SYNE2: variants seen among roughly 807,000 people sequenced by gnomAD.
SYNE2 encodes the protein spectrin repeat containing nuclear envelope protein 2, also known as nesprin-2.
A neutral mutation model predicts 856.3 loss-of-function variants in SYNE2; 431 were observed. The ratio of observed to expected loss-of-function variants is 0.50; its 90% CI spans 0.47 to 0.55. The LOEUF (loss-of-function observed/expected upper bound fraction) is 0.55, where lower values mean the gene tolerates loss of function less well. Among genes scored for constraint, SYNE2 ranks in the 20% least tolerant of loss-of-function variants. SYNE2 has a pLI of 0.00. For synonymous variants in SYNE2, 2,923 were observed against 2,872.3 expected (o/e 1.02, Z -0.56); for missense variants, 8,129 against 8,023.2 (o/e 1.01, Z -0.50).
chr14:64,150,321 A>AAAGGG (rs766798501), intron 84 of SYNE2, among the ~76,000 whole-genome samples: 2 of 119,418 alleles, frequency 1.7e-5, no homozygotes, highest in African/African-American at 6.4e-5. Flanking sequence ...AAAAAAAAAA[A>AAAGGG]GGATCCTCCC....
intron 85 of SYNE2, among the ~76,000 whole-genome samples, chr14:64,153,472 C>T (rs1170368937): frequency 6.6e-6 from 1 of 152,124 alleles, no homozygotes; most frequent in African/African-American, 2.4e-5. Context: ...TGGGTTGTCA[C>T]CTACTAAAAT....
intron 64 of SYNE2, among the ~76,000 whole-genome samples, chr14:64,103,818 C>T (rs1252369242): frequency 6.6e-6 from 1 of 152,128 alleles, no homozygotes; most frequent in Non-Finnish European, 1.5e-5. Flanking sequence ...CCTGGGATGC[C>T]CTTTCTCCAT....
Position 64,162,237 on chromosome 14 carries a change from C to A in SYNE2, c.16260C>A (p.Asn5420Lys), listed in dbSNP as rs760972212. 5.6e-6 allele frequency: 9 copies of A among 1,614,094 alleles called. No homozygotes were observed. The East Asian group carries it at 1.8e-4, about 32-fold the overall frequency. The stretch of plus-strand genomic sequence containing the variant: ...CAAACATCAGCATGTCTGGAAACAA[C>A]CTGGCAGAGATCCTGCCCCCAGCCC... ...QLANISMSGN[N>K]LAEILPPALQ... The change falls in exon 88 of 116, where the codon AAC (asparagine) becomes AAA (lysine). Residue 5420 changes from asparagine to lysine, a missense_variant. Coordinates refer to ENST00000555002, the MANE Select transcript of SYNE2 (RefSeq NM_182914.3).
intron 87 of SYNE2, among the ~76,000 whole-genome samples, chr14:64,160,000 T>C (rs1335160517): frequency 6.6e-6 from 1 of 152,200 alleles, no homozygotes; most frequent in Non-Finnish European, 1.5e-5. Context: ...CTCCAACCAA[T>C]TGATTAGAGA....
At chr14:63,954,218 T>G (rs2096210334) in intron 7 of SYNE2, among the ~76,000 whole-genome samples, 1 of 152,214 alleles carries the variant, frequency 6.6e-6, no homozygotes, top group African/African-American at 2.4e-5. Flanking sequence ...TGGCCATTAA[T>G]TACACACAAT....
intron 1 of SYNE2, among the ~76,000 whole-genome samples, chr14:63,814,281 AAAAC>A (rs574858343): frequency 0.021 from 3,235 of 151,308 alleles, 42 homozygotes; most frequent in Middle Eastern, 0.038. Context: ...AAAAAAAACA[AAAAC>A]AAACAAACAA....
chr14:63,953,638 A>G (rs1450789291), intron 7 of SYNE2, among the ~76,000 whole-genome samples: 1 of 152,208 alleles, frequency 6.6e-6, no homozygotes, highest in Non-Finnish European at 1.5e-5. Flanking sequence ...TTAAGTGTAC[A>G]GTTCAGTGGC....
chr14:64,208,634 G>T, intron 100 of SYNE2, 124 bp from the exon 101 acceptor site: 1 of 1,011,490 alleles, frequency 9.9e-7, no homozygotes, highest in Non-Finnish European at 1.5e-6. Flanking sequence ...GTTCATGGTG[G>T]AAATCCACCC....
At chr14:63,840,620 C>T (rs1254357570) in intron 1 of SYNE2, among the ~76,000 whole-genome samples, 1 of 151,760 alleles carries the variant, frequency 6.6e-6, no homozygotes, top group African/African-American at 2.4e-5. Flanking sequence ...GGATTACAGG[C>T]AGGAACTCCA....
chr14:64,214,123 A>ATGCTCTTCTAATTGCAGAAG, intron 105 of SYNE2, 71 bp from the exon 106 acceptor site: 1 of 1,611,830 alleles, frequency 6.2e-7, no homozygotes, highest in Non-Finnish European at 8.5e-7. Flanking sequence ...AGATAGGCAG[A>ATGCTCTTCTAATTGCAGAAG]CTTCTCATGC....
chr14:64,072,916 C>G (rs1323207920), intron 52 of SYNE2, among the ~76,000 whole-genome samples: 1 of 152,106 alleles, frequency 6.6e-6, no homozygotes, highest in Non-Finnish European at 1.5e-5. Flanking sequence ...CTCATGTTTA[C>G]CAGTTTATTA....
chr14:63,846,646 A>G (rs1006983310), intron 1 of SYNE2, among the ~76,000 whole-genome samples: 1 of 151,042 alleles, frequency 6.6e-6, no homozygotes, highest in Admixed American at 6.6e-5. Flanking sequence ...CCCAAGCTGG[A>G]GTGTAGCGGC....
At chr14:63,830,378 G>A (rs771870040) in intron 1 of SYNE2, among the ~76,000 whole-genome samples, 14 of 151,910 alleles carry the variant, frequency 9.2e-5, no homozygotes, top group Middle Eastern at 3.4e-3. Flanking sequence ...AATTAAAAAT[G>A]GGCCAGACAT....
intron 8 of SYNE2, among the ~76,000 whole-genome samples, chr14:63,955,707 A>G (rs886615186): frequency 1.6e-4 from 25 of 152,300 alleles, no homozygotes; most frequent in African/African-American, 5.5e-4. Context: ...CATTTACACT[A>G]TTATAGATTT....
intron 1 of SYNE2, among the ~76,000 whole-genome samples, chr14:63,865,528 T>A (rs1894959309): frequency 6.6e-6 from 1 of 152,040 alleles, no homozygotes; most frequent in Admixed American, 6.6e-5. Flanking sequence ...AGCTGGAGGC[T>A]ACTCCCAAGT....
intron 45 of SYNE2, among the ~76,000 whole-genome samples, chr14:64,038,394 A>ACGATGGG (rs1384874998): frequency 2.4e-4 from 36 of 152,180 alleles, no homozygotes; most frequent in Admixed American, 7.9e-4. Flanking sequence ...CACCTCCCAG[A>ACGATGGG]CGATGGGCGG....
At chr14:63,803,041 A>G (rs377078194) in intron 1 of SYNE2, among the ~76,000 whole-genome samples, 30 of 152,310 alleles carry the variant, frequency 2.0e-4, no homozygotes, top group African/African-American at 6.7e-4. Flanking sequence ...TGGCTCAGGC[A>G]GCCTGCTTTT....
In SYNE2 at chr14:64,049,755, C is replaced by T. The variant is rs1434034677; in HGVS notation, c.7522C>T (p.Leu2508Phe). The change falls in exon 47 of 116, where the codon CTT becomes TTT. Residue 2508 changes from leucine to phenylalanine, a missense_variant. Leu to Phe is a conservative substitution (Grantham distance 22). This residue lies in a region of SYNE2 where 5,410 missense variants were observed against 5,284.8 expected (regional missense o/e 1.02). Transcript: ENST00000555002. ...AQHLDNLLQALITLKKNKESQ... is the reference protein window; with the variant it reads ...AQHLDNLLQAFITLKKNKESQ... The stretch of plus-strand genomic sequence containing the variant: ...GCATTTGGACAATTTGCTTCAGGCA[C>T]TTATTACTTTGAAGAAAAACAAAGA... 2 of 1,614,106 alleles carry T rather than the reference C, an allele frequency of 1.2e-6. No individual in the cohort carries two copies. Among genetic ancestry groups the T allele is most frequent in the Non-Finnish European group, 1.7e-6 (2 of 1,180,012 alleles).
intron 85 of SYNE2, among the ~76,000 whole-genome samples, chr14:64,155,998 A>G (rs924140518): frequency 1.3e-5 from 2 of 152,210 alleles, no homozygotes; most frequent in Non-Finnish European, 2.9e-5. Context: ...TTTCTGGTCT[A>G]TAAAATGGGG....
Sources: allele counts gnomAD v4.1 joint callset (sites outside exome capture counted in the v4.1 genomes callset), GRCh38; gene constraint gnomAD v4.1.1; regional missense constraint gnomAD v4.1.1; transcripts MANE v1.5; gene names NCBI Gene and HGNC (gene_info 2026-07-23, HGNC 2026-07-21).